Variants in RALYL observed in about 807,000 individuals in gnomAD.
RALYL encodes the protein RNA-binding Raly-like protein.
RALYL carries 29 observed loss-of-function variants against 35.1 expected under a neutral mutation model. The ratio of observed to expected loss-of-function variants is 0.83; its 90% CI spans 0.61 to 1.13. The LOEUF (loss-of-function observed/expected upper bound fraction) is 1.13. RALYL is among the 50% of genes most tolerant of loss of function. The pLI is 0.00. For synonymous variants in RALYL, 120 were observed against 127.6 expected (o/e 0.94, Z 0.40); for missense variants, 359 against 360.4 (o/e 1.00, Z 0.03).
intron 2 of RALYL, among the ~76,000 whole-genome samples, chr8:84,612,537 G>A (rs149217303): frequency 6.6e-6 from 1 of 152,060 alleles, no homozygotes; most frequent in East Asian, 1.9e-4. Context: ...AATAGATCCA[G>A]CCTGTTACTC....
At chr8:84,249,400 GAGA>G (rs1240964213) in intron 1 of RALYL, among the ~76,000 whole-genome samples, 1 of 152,098 alleles carries the variant, frequency 6.6e-6, no homozygotes, top group East Asian at 1.9e-4. Flanking sequence ...CTACATCATT[GAGA>G]AGAAAACATA....
chr8:84,502,570 T>C (rs531495194), intron 1 of RALYL, among the ~76,000 whole-genome samples: 12 of 152,176 alleles, frequency 7.9e-5, no homozygotes, highest in African/African-American at 2.4e-4. Flanking sequence ...GGTTTCTTTG[T>C]AAAAAGATGA....
intron 4 of RALYL, among the ~76,000 whole-genome samples, chr8:84,847,334 G>T (rs555765388): frequency 1.3e-5 from 2 of 152,320 alleles, no homozygotes; most frequent in South Asian, 4.1e-4. Flanking sequence ...TTCAGGGCTG[G>T]GAATTAGTCC....
chr8:84,227,423 T>C (rs1245617034), intron 1 of RALYL, among the ~76,000 whole-genome samples: 1 of 152,156 alleles, frequency 6.6e-6, no homozygotes, highest in Non-Finnish European at 1.5e-5. Flanking sequence ...TTCTAGGTGA[T>C]AATGATTGTA....
chr8:84,880,719 G>T (rs1276930081), intron 7 of RALYL, among the ~76,000 whole-genome samples: 1 of 151,984 alleles, frequency 6.6e-6, no homozygotes, highest in Non-Finnish European at 1.5e-5. Context: ...ATGACTTAGT[G>T]ATTTTACCAA....
intron 2 of RALYL, among the ~76,000 whole-genome samples, chr8:84,574,748 C>T (rs772911892): frequency 7.3e-5 from 11 of 150,526 alleles, no homozygotes; most frequent in African/African-American, 1.7e-4. Flanking sequence ...GCAGTAGGCT[C>T]GAGGTGATTT....
intron 2 of RALYL, among the ~76,000 whole-genome samples, chr8:84,747,903 A>T (rs777958066): frequency 6.6e-6 from 1 of 151,974 alleles, no homozygotes; most frequent in Non-Finnish European, 1.5e-5. Context: ...ATTCAAACCA[A>T]GTTACAAGTA....
intron 1 of RALYL, among the ~76,000 whole-genome samples, chr8:84,456,379 C>T (rs927065929): frequency 1.3e-5 from 2 of 152,016 alleles, no homozygotes; most frequent in African/African-American, 4.8e-5. Context: ...CTAAGGTTCA[C>T]CAATGGTGTA....
intron 1 of RALYL, among the ~76,000 whole-genome samples, chr8:84,187,892 T>G (rs930803039): frequency 6.6e-6 from 1 of 152,074 alleles, no homozygotes; most frequent in African/African-American, 2.4e-5. Context: ...TGTTTACTGA[T>G]AGTGTAAGCA....
At chr8:84,252,390 T>C (rs1318762400) in intron 1 of RALYL, among the ~76,000 whole-genome samples, 1 of 152,062 alleles carries the variant, frequency 6.6e-6, no homozygotes, top group Non-Finnish European at 1.5e-5. Context: ...GTTATAAAAT[T>C]CTCCATAAAC....
chr8:84,697,998 G>A (rs546978049), intron 2 of RALYL, among the ~76,000 whole-genome samples: 1 of 151,996 alleles, frequency 6.6e-6, no homozygotes, highest in Admixed American at 6.6e-5. Context: ...TAAAATCCTA[G>A]GTAGTGTTCT....
chr8:84,268,814 C>T (rs933341412), intron 1 of RALYL, among the ~76,000 whole-genome samples: 5 of 152,012 alleles, frequency 3.3e-5, no homozygotes, highest in Admixed American at 6.6e-5. Flanking sequence ...TTTGGTATCC[C>T]GTATTTAATA....
chr8:84,544,214 T>C (rs191373178), intron 2 of RALYL, among the ~76,000 whole-genome samples: 2 of 151,972 alleles, frequency 1.3e-5, no homozygotes, highest in East Asian at 3.9e-4. Flanking sequence ...TTTTCTTTAA[T>C]TTTTTACAAC....
At chr8:84,190,569 T>G (rs2130862008) in intron 1 of RALYL, among the ~76,000 whole-genome samples, 1 of 152,326 alleles carries the variant, frequency 6.6e-6, no homozygotes, top group South Asian at 2.1e-4. Flanking sequence ...GAGGGTTAAA[T>G]GCTGCCTTTG....
At chr8:84,230,949 A>G (rs1825199511) in intron 1 of RALYL, among the ~76,000 whole-genome samples, 1 of 152,210 alleles carries the variant, frequency 6.6e-6, no homozygotes, top group Non-Finnish European at 1.5e-5. Flanking sequence ...ACCTCTGTTC[A>G]GTTGCCACAT....
chr8:84,379,316 G>A (rs1028964577), intron 1 of RALYL, among the ~76,000 whole-genome samples: 12 of 151,814 alleles, frequency 7.9e-5, no homozygotes, highest in South Asian at 2.1e-4. Context: ...GGCCTAGATC[G>A]TTTTTCACAG....
chr8:84,383,578 TA>T (rs888069055), intron 1 of RALYL, among the ~76,000 whole-genome samples: 3 of 151,152 alleles, frequency 2.0e-5, no homozygotes, highest in South Asian at 2.1e-4. Context: ...TCCAGAGAGT[TA>T]AAAAAAATAT....
intron 4 of RALYL, among the ~76,000 whole-genome samples, chr8:84,847,579 C>G (rs760272025): frequency 6.6e-6 from 1 of 152,080 alleles, no homozygotes; most frequent in Non-Finnish European, 1.5e-5. Flanking sequence ...TTGATGGTAG[C>G]CAATAGGTGG....
chr8:84,277,557 A>G (rs764326303), intron 1 of RALYL, among the ~76,000 whole-genome samples: 3 of 152,202 alleles, frequency 2.0e-5, no homozygotes, highest in Non-Finnish European at 2.9e-5. Flanking sequence ...AAAAGTCCAC[A>G]GTCCAAAGTC....
Sources: allele counts gnomAD v4.1 joint callset (sites outside exome capture counted in the v4.1 genomes callset), GRCh38; gene constraint gnomAD v4.1.1; transcripts MANE v1.5; gene names NCBI Gene and HGNC (gene_info 2026-07-23, HGNC 2026-07-21).